The following AGBL1 variants were observed in gnomAD, a reference collection of about 807,000 sequenced individuals.
AGBL1 encodes the protein AGBL carboxypeptidase 1, also known as cytosolic carboxypeptidase 4.
In AGBL1, 130 loss-of-function variants were observed where a neutral mutation model predicts 118.9. The observed-to-expected ratio is 1.09, with a 90% CI of 0.95 to 1.26. The LOEUF (loss-of-function observed/expected upper bound fraction) is 1.26. Among genes scored for constraint, AGBL1 ranks in the 50% most tolerant of loss-of-function variants. The probability of loss-of-function intolerance (pLI) is 0.00; values close to 1 mark genes in which losing one functional copy is unlikely to be tolerated. For synonymous variants in AGBL1, 555 were observed against 478.9 expected (o/e 1.16, Z -2.08); for missense variants, 1,584 against 1,298.1 (o/e 1.22, Z -3.38).
At chr15:86,489,593 G>T (rs2082754199) in intron 18 of AGBL1, among the ~76,000 whole-genome samples, 1 of 152,084 alleles carries the variant, frequency 6.6e-6, no homozygotes, top group African/African-American at 2.4e-5. Context: ...AGTAAACTGT[G>T]GCCCACGAAC....
intron 21 of AGBL1, among the ~76,000 whole-genome samples, chr15:86,665,033 C>T (rs1258347566): frequency 1.3e-5 from 2 of 152,058 alleles, no homozygotes; most frequent in Non-Finnish European, 2.9e-5. Context: ...CATTTTTGTG[C>T]CCATATAGCA....
At position 86,891,226 on chromosome 15, in the gene AGBL1, G is replaced by A. The variant is rs551007594; in HGVS notation, c.3159-15861G>A. Among the ~76,000 whole-genome samples, 9 of 152,110 alleles carry A rather than the reference G, an allele frequency of 5.9e-5. No homozygotes were observed. In the South Asian group the frequency reaches 6.2e-4, roughly 11 times the overall value. On this transcript the variant is annotated intron_variant, in intron 22 of 22. Coordinates refer to ENST00000614907, the MANE Select transcript of AGBL1 (RefSeq NM_001386094.1). The stretch of plus-strand genomic sequence containing the variant: ...ATAGGAATGCTAGCAATTTTTGTAC[G>A]TTGATGTTGTATCCTGAGACTTTGC...
chr15:86,936,684 A>G (rs2080679846), intron 23 of AGBL1, among the ~76,000 whole-genome samples: 1 of 152,238 alleles, frequency 6.6e-6, no homozygotes, highest in Non-Finnish European at 1.5e-5. Flanking sequence ...TGTAAAACCC[A>G]AAACTGTAAA....
rs937001390 is a variant in AGBL1 at position 87,007,221 on chromosome 15, A to G, written c.3323+19133A>G. Among the ~76,000 whole-genome samples the G allele has an allele frequency of 5.9e-5, 9 of 152,298 alleles. No individual in the cohort carries two copies. In the East Asian group the frequency reaches 1.7e-3, roughly 29 times the overall value. Reference sequence around the variant, plus strand: ...GAAAGAAATGTTTTGCATCAAGACCAGGTTCTTACGCTAGCTGTATATATA... The same window carrying G: ...GAAAGAAATGTTTTGCATCAAGACCGGGTTCTTACGCTAGCTGTATATATA... On this transcript the variant is annotated intron_variant, in intron 24 of 24. Transcript: ENST00000441037.
At chr15:86,876,420 G>T (rs934749500) in intron 22 of AGBL1, among the ~76,000 whole-genome samples, 2 of 152,082 alleles carry the variant, frequency 1.3e-5, no homozygotes, top group Admixed American at 6.6e-5. Context: ...TGATACTGCT[G>T]CTGACTCCCC....
intron 1 of AGBL1, among the ~76,000 whole-genome samples, chr15:86,085,290 T>TC (rs1180071857): frequency 1.3e-5 from 2 of 152,092 alleles, no homozygotes; most frequent in African/African-American, 4.8e-5. Flanking sequence ...CTAGTGATCT[T>TC]CCCCCGGTCA....
rs532063475 is a variant in AGBL1 at position 86,449,373 on chromosome 15, G to C, written c.2555+51827G>C. Among the ~76,000 whole-genome samples the C allele has an allele frequency of 2.6e-5, 4 of 152,336 alleles. No individual in the cohort carries two copies. The East Asian group carries it at 7.7e-4, about 29-fold the overall frequency. On this transcript the variant is annotated intron_variant, in intron 18 of 22. Coordinates refer to ENST00000614907, the MANE Select transcript of AGBL1 (RefSeq NM_001386094.1). The stretch of plus-strand genomic sequence containing the variant: ...GAAAAATCCAAGGCAACTCATACTG[G>C]CTGTCTTTCAAGTGGGTTATGAGAT...
intron 18 of AGBL1, among the ~76,000 whole-genome samples, chr15:86,518,875 A>C (rs1159639155): frequency 6.6e-6 from 1 of 151,456 alleles, no homozygotes; most frequent in African/African-American, 2.4e-5. Flanking sequence ...AGCATTTCAA[A>C]GCTAAAAATG....
intron 22 of AGBL1, among the ~76,000 whole-genome samples, chr15:86,864,213 C>G (rs1031840080): frequency 1.3e-5 from 2 of 152,122 alleles, no homozygotes; most frequent in African/African-American, 4.8e-5. Flanking sequence ...AAACATAATC[C>G]AAGCCCAGAG....
intron 6 of AGBL1, among the ~76,000 whole-genome samples, chr15:86,241,870 T>G (rs2141978209): frequency 6.6e-6 from 1 of 152,280 alleles, no homozygotes; most frequent in Non-Finnish European, 1.5e-5. Flanking sequence ...GCTTCTGTTC[T>G]TCTTGTTGTT....
At position 86,841,729 on chromosome 15, in the gene AGBL1, C is replaced by T. The variant is rs118156950; in HGVS notation, c.3159-65358C>T. On this transcript the variant is annotated intron_variant, in intron 22 of 22. Coordinates refer to ENST00000614907, the MANE Select transcript of AGBL1 (RefSeq NM_001386094.1). ...GGGTGTGGTGGTGCATGCCCGTAAT[C>T]CCATCTACTTGGGAGGCTGACGCAG... 0.012 allele frequency among the ~76,000 whole-genome samples: 1,844 copies of T among 152,172 alleles called. 97 individuals carry two copies. The East Asian group carries it at 0.18, about 15-fold the overall frequency.
intron 22 of AGBL1, among the ~76,000 whole-genome samples, chr15:86,759,493 C>G (rs1346014758): frequency 6.6e-6 from 1 of 152,036 alleles, no homozygotes; most frequent in Non-Finnish European, 1.5e-5. Flanking sequence ...GAAGTGCCCC[C>G]AAATGTTCTT....
chr15:86,535,367 C>A (rs1439901553), intron 19 of AGBL1, among the ~76,000 whole-genome samples: 2 of 152,196 alleles, frequency 1.3e-5, no homozygotes, highest in African/African-American at 4.8e-5. Flanking sequence ...TCGGGGACAT[C>A]CCTGGGACTG....
chr15:86,683,472 T>C (rs1057023877), intron 22 of AGBL1, among the ~76,000 whole-genome samples: 3 of 152,136 alleles, frequency 2.0e-5, no homozygotes, highest in African/African-American at 7.2e-5. Context: ...ATAACAACCA[T>C]GAAAGTTAAC....
chr15:86,396,899 C>T (rs1439726030), intron 17 of AGBL1, among the ~76,000 whole-genome samples: 1 of 152,132 alleles, frequency 6.6e-6, no homozygotes, highest in Admixed American at 6.6e-5. Context: ...CTATTGAACT[C>T]TGGAGAATTA....
chr15:86,823,203 C>A (rs1596519090), intron 22 of AGBL1, among the ~76,000 whole-genome samples: 1 of 150,836 alleles, frequency 6.6e-6, no homozygotes, highest in African/African-American at 2.4e-5. Flanking sequence ...GGCACAGACT[C>A]TATTGTAATG....
At chr15:86,305,712 C>T (rs1018330719) in intron 17 of AGBL1, among the ~76,000 whole-genome samples, 1 of 152,132 alleles carries the variant, frequency 6.6e-6, no homozygotes, top group Non-Finnish European at 1.5e-5. Flanking sequence ...TACACAGATG[C>T]ATGCACACAC....
At chr15:87,016,441 A>C (rs1378944679) in intron 24 of AGBL1, among the ~76,000 whole-genome samples, 1 of 152,182 alleles carries the variant, frequency 6.6e-6, no homozygotes, top group Non-Finnish European at 1.5e-5. Context: ...GAAGAGGTGC[A>C]AAGATGTTCC....
At chr15:86,830,149 T>C (rs1217519390) in intron 22 of AGBL1, among the ~76,000 whole-genome samples, 1 of 152,190 alleles carries the variant, frequency 6.6e-6, no homozygotes, top group Non-Finnish European at 1.5e-5. Context: ...GTATAACGCA[T>C]ATACTCTACT....
Sources: gnomAD v4.1 joint callset for allele counts (sites outside exome capture counted in the v4.1 genomes callset) on GRCh38, gnomAD v4.1.1 for gene constraint, MANE v1.5 for transcripts, NCBI Gene and HGNC (gene_info 2026-07-23, HGNC 2026-07-21) for gene names.